The following RSPH14 variants were observed in gnomAD, a reference collection of about 807,000 sequenced individuals.
The protein encoded by RSPH14 is rhabdoid tumor deletion region gene 1.
A neutral mutation model predicts 26.7 loss-of-function variants in RSPH14; 20 were observed. That is an observed-to-expected ratio of 0.75 (90% CI 0.53 to 1.09). RSPH14 has a LOEUF of 1.09. Ranked by LOEUF, RSPH14 falls within the 50% of genes least tolerant of loss-of-function variation. RSPH14 has a pLI of 0.00. For synonymous variants in RSPH14, 177 were observed against 189.3 expected, an observed-to-expected ratio of 0.93 and a Z score of 0.53; for missense variants, 449 against 457.2, an observed-to-expected ratio of 0.98 and a Z score of 0.16.
chr22:23,160,601 G>T, the RSPH14 span, among the ~76,000 whole-genome samples: 2 of 152,200 alleles, frequency 1.3e-5, no homozygotes, highest in Non-Finnish European at 2.9e-5. Context: ...GGAAGCAAAG[G>T]CTCAGAAGTT....
the RSPH14 span, among the ~76,000 whole-genome samples, chr22:23,170,038 A>G: frequency 6.6e-6 from 1 of 151,514 alleles, no homozygotes; most frequent in African/African-American, 2.4e-5. Context: ...TTGAGACTGC[A>G]GAGAGCTGAG....
At chr22:23,141,199 C>A (rs1309783477) in intron 1 of RSPH14, among the ~76,000 whole-genome samples, 4 of 152,010 alleles carry the variant, frequency 2.6e-5, no homozygotes, top group Non-Finnish European at 2.9e-5. Context: ...CGTGATGGCG[C>A]ATGCCTGTAG....
chr22:23,105,366 C>A (rs2069435571), intron 4 of RSPH14, among the ~76,000 whole-genome samples: 1 of 152,228 alleles, frequency 6.6e-6, no homozygotes. Context: ...TTTTTGAAAA[C>A]CATCTTTTTG....
the RSPH14 span, among the ~76,000 whole-genome samples, chr22:23,151,463 CAG>C: frequency 1.3e-5 from 2 of 152,206 alleles, no homozygotes; most frequent in Non-Finnish European, 2.9e-5. Context: ...CCCAGGTCAC[CAG>C]GTGACACAGT....
chr22:23,121,171 A>G (rs2070015507), intron 4 of RSPH14, among the ~76,000 whole-genome samples: 1 of 152,230 alleles, frequency 6.6e-6, no homozygotes, highest in Admixed American at 6.5e-5. Flanking sequence ...CTCTGCAGAA[A>G]GGCCAGCACC....
chr22:23,173,132 C>CT, the RSPH14 span, among the ~76,000 whole-genome samples: 1 of 151,806 alleles, frequency 6.6e-6, no homozygotes, highest in Non-Finnish European at 1.5e-5. Context: ...TTCTTTCTTT[C>CT]TTTTTTTCTT....
chr22:23,084,940 A>T (rs1169346593), intron 4 of RSPH14, among the ~76,000 whole-genome samples: 1 of 152,206 alleles, frequency 6.6e-6, no homozygotes, highest in African/African-American at 2.4e-5. Context: ...GCCATTGCAC[A>T]CTGGAGGTTA....
intron 4 of RSPH14, chr22:23,123,155 A>T: frequency 3.7e-6 from 6 of 1,613,726 alleles, no homozygotes; most frequent in Non-Finnish European, 4.2e-6. Context: ...TCAACACCTC[A>T]CTCATCCTCT....
At chr22:23,121,878 T>C (rs1325394299) in intron 4 of RSPH14, among the ~76,000 whole-genome samples, 2 of 151,886 alleles carry the variant, frequency 1.3e-5, no homozygotes, top group South Asian at 2.1e-4. Flanking sequence ...TCTGCCACCA[T>C]GCCCAGCTAA....
chr22:23,174,285 T>A, the RSPH14 span, among the ~76,000 whole-genome samples: 2 of 146,004 alleles, frequency 1.4e-5, no homozygotes, highest in African/African-American at 5.0e-5. Context: ...ACGCCTGTAA[T>A]CCCAGCACTT....
At chr22:23,119,449 T>C (rs2069945285) in intron 4 of RSPH14, among the ~76,000 whole-genome samples, 1 of 152,164 alleles carries the variant, frequency 6.6e-6, no homozygotes, top group South Asian at 2.1e-4. Flanking sequence ...TTGTCCCCCA[T>C]CTCTGAGAGC....
chr22:23,123,150 A>G, intron 4 of RSPH14: 3 of 1,613,882 alleles, frequency 1.9e-6, no homozygotes, highest in South Asian at 1.1e-5. Context: ...GTTCATCAAC[A>G]CCTCACTCAT....
intron 4 of RSPH14, among the ~76,000 whole-genome samples, chr22:23,125,751 T>TCCCACTGGAGGAGCAGAGACG (rs1230238063): frequency 1.3e-5 from 2 of 152,176 alleles, no homozygotes; most frequent in African/African-American, 4.8e-5. Flanking sequence ...GAGCTGTTGC[T>TCCCACTGGAGGAGCAGAGACG]CCCACTGGAG....
At chr22:23,115,038 T>C (rs1306189766) in intron 4 of RSPH14, among the ~76,000 whole-genome samples, 1 of 152,056 alleles carries the variant, frequency 6.6e-6, no homozygotes, top group Non-Finnish European at 1.5e-5. Context: ...GTCACGTGCA[T>C]TTTATGTGAG....
At chr22:23,095,765 C>T (rs1462919254) in intron 4 of RSPH14, 5 of 1,612,876 alleles carry the variant, frequency 3.1e-6, no homozygotes, top group South Asian at 1.1e-5. Flanking sequence ...CCGCCACCTG[C>T]GCTCAGAGAG....
At chr22:23,070,091 G>A (rs993953259) in intron 4 of RSPH14, among the ~76,000 whole-genome samples, 39 of 152,242 alleles carry the variant, frequency 2.6e-4, no homozygotes, top group African/African-American at 9.1e-4. Context: ...ACGCCGGCGC[G>A]GGGAGCTCTT....
chr22:23,143,330 AATAGATAT>A (rs1323037391), upstream of RSPH14, among the ~76,000 whole-genome samples: 2 of 145,326 alleles, frequency 1.4e-5, no homozygotes, highest in Non-Finnish European at 3.0e-5. Context: ...TAAATAAATA[AATAGATAT>A]AATTTTAAAA....
At chr22:23,152,001 C>T in the RSPH14 span, among the ~76,000 whole-genome samples, 1 of 152,216 alleles carries the variant, frequency 6.6e-6, no homozygotes, top group East Asian at 1.9e-4. Flanking sequence ...CATCGGCGCA[C>T]AGCCCCGGGG....
At chr22:23,108,088 A>C in intron 4 of RSPH14, among the ~76,000 whole-genome samples, 1 of 152,166 alleles carries the variant, frequency 6.6e-6, no homozygotes, top group East Asian at 1.9e-4. Context: ...TCTGTGGGCC[A>C]GGAGCAGGTG....
Sources: gnomAD v4.1 joint callset for allele counts (sites outside exome capture counted in the v4.1 genomes callset) on GRCh38, gnomAD v4.1.1 for gene constraint, MANE v1.5 for transcripts, NCBI Gene and HGNC (gene_info 2026-07-23, HGNC 2026-07-21) for gene names.